TNXB: variants seen among roughly 807,000 people sequenced by gnomAD.
The protein encoded by TNXB is tenascin-X.
Under a neutral mutation model 340.5 loss-of-function variants are expected in TNXB, and 183 were observed. The observed-to-expected ratio is 0.54, with a 90% CI of 0.48 to 0.61. TNXB has a LOEUF of 0.61. Among genes scored for constraint, TNXB ranks in the 20% least tolerant of loss-of-function variants. The pLI is 0.00. For synonymous variants in TNXB, 2,121 were observed against 2,314.5 expected, an observed-to-expected ratio of 0.92 and a Z score of 2.40; for missense variants, 4,613 against 5,446.4, an observed-to-expected ratio of 0.85 and a Z score of 4.82.
Position 32,065,107 on chromosome 6 carries a change from CTCTTCGGGGGCTAG to C in TNXB, c.6545-4_6554del. On this transcript the variant is annotated splice_acceptor_variant and splice_polypyrimidine_tract_variant and coding_sequence_variant and intron_variant, in exon 19 of 44. Transcript: ENST00000644971. LOFTEE classifies it high-confidence loss of function. ...TTGCAAGAGGAGCATCAGGGGACTC[CTCTTCGGGGGCTAG>C]GAAGAGATAGAAACAGAATCTTTTC... 1 of 1,575,508 alleles carries C rather than the reference CTCTTCGGGGGCTAG, an allele frequency of 6.3e-7. No individual in the cohort carries two copies. Among genetic ancestry groups the C allele is most frequent in the Non-Finnish European group, 8.6e-7 (1 of 1,159,550 alleles).
rs540531493 is a variant in TNXB at position 32,075,891 on chromosome 6, G to T, written c.4376-1939C>A. ...GGGCTCCCAAGAACTTGTTTCTCTG[G>T]CTTCCTCCGGAGGGCAAGACAAGGC... is the stretch of plus-strand genomic sequence containing the variant. On this transcript the variant is annotated intron_variant, in intron 11 of 43. Coordinates refer to ENST00000644971, the MANE Select transcript of TNXB (RefSeq NM_001365276.2). This position sits in a 1 kb window ranked among gnomAD's most constrained non-coding sequence, Gnocchi z 4.6. Among the ~76,000 whole-genome samples, 11 of 152,324 alleles carry T rather than the reference G, an allele frequency of 7.2e-5. 1 individual carries two copies. The East Asian group carries it at 1.7e-3, about 24-fold the overall frequency.
Position 32,095,990 on chromosome 6 carries a change from G to T in TNXB, c.1863C>A (p.Cys621Ter). ...GGCCCCTCCCGTGGCAGTTGGAGGGGCAGGTGCGGATGCTGCAGTCCTCAC... is the reference window on the plus strand; with the variant it reads ...GGCCCCTCCCGTGGCAGTTGGAGGGTCAGGTGCGGATGCTGCAGTCCTCAC... ...YVSEDCSIRT[C>*]PSNCHGRGRC... The change falls in exon 3 of 44, where the codon TGC (cysteine) becomes TGA (stop). Residue 621 changes from cysteine (C) to a stop codon, truncating the protein, a stop_gained. Coordinates refer to ENST00000644971, the MANE Select transcript of TNXB (RefSeq NM_001365276.2). LOFTEE classifies it high-confidence loss of function. 6.2e-7 allele frequency: 1 copy of T among 1,612,900 alleles called. No homozygotes were observed.
intron 4 of TNXB, among the ~76,000 whole-genome samples, chr6:32,094,589 AG>A (rs1374389903): frequency 6.6e-6 from 1 of 152,212 alleles, no homozygotes; most frequent in Non-Finnish European, 1.5e-5. Flanking sequence ...TAAAGGATTC[AG>A]AGAATAAAGA....
chr6:32,089,251 G>A lies in TNXB; in HGVS notation c.2487C>T (p.Gly829=). The part of the protein sequence containing the change: ...TVRALRGTSW[G]LPASKTITTM... ...TGGTGATGGTCTTGGAGGCAGGAAG[G>A]CCCCAGCTGGTCCCTCGAAGGGCTC... is the stretch of plus-strand genomic sequence containing the variant. Residue 829 remains glycine (G), a synonymous_variant, in exon 5 of 44, where the codon GGC becomes GGT. Coordinates refer to ENST00000644971, the MANE Select transcript of TNXB (RefSeq NM_001365276.2). This position sits in a 1 kb window ranked among gnomAD's most constrained non-coding sequence, Gnocchi z 6.2. 6.2e-7 allele frequency: 1 copy of A among 1,605,516 alleles called. No individual in the cohort carries two copies. Among genetic ancestry groups the A allele is most frequent in the Non-Finnish European group, 8.5e-7 (1 of 1,176,736 alleles).
At chr6:32,100,347 C>T (rs1012284706) in intron 1 of TNXB, among the ~76,000 whole-genome samples, 9 of 152,056 alleles carry the variant, frequency 5.9e-5, no homozygotes, top group East Asian at 1.9e-4. Flanking sequence ...TCAGGCAATC[C>T]GCCCGCCTCG....
chr6:32,054,630 G>A (rs1294043979), intron 24 of TNXB, among the ~76,000 whole-genome samples: 1 of 152,196 alleles, frequency 6.6e-6, no homozygotes, highest in Admixed American at 6.5e-5. Flanking sequence ...TGACTTCACT[G>A]TCCCTTCCCA....
Position 32,049,510 on chromosome 6 carries a change from T to G in TNXB, c.9517A>C (p.Thr3173Pro). 6 of 1,612,548 alleles carry G rather than the reference T, an allele frequency of 3.7e-6. No individual in the cohort carries two copies. Among genetic ancestry groups the G allele is most frequent in the Non-Finnish European group, 5.1e-6 (6 of 1,179,834 alleles). ...GAGTCAGGGGAGGATCCTGTCACTG[T>G]CAACTCCCCCAGGAGCGGCTCCTCA... The part of the protein sequence containing the change: ...APEEPLLGEL[T>P]VTGSSPDSLS... The change falls in exon 28 of 44, where the codon ACA becomes CCA. Residue 3173 changes from threonine to proline, a missense_variant. Thr to Pro is a conservative substitution (Grantham distance 38). Around this residue, in one of 7 missense-constraint regions of TNXB, gnomAD observed 4,327 missense variants for 4,859.4 expected, o/e 0.89. Coordinates refer to ENST00000644971, the MANE Select transcript of TNXB (RefSeq NM_001365276.2). This position sits in a 1 kb window ranked among gnomAD's most constrained non-coding sequence, Gnocchi z 4.5.
In TNXB at chr6:32,096,874, C is replaced by T. The variant is rs779419589; in HGVS notation, c.979G>A (p.Val327Met). 5 of 1,608,286 alleles carry T rather than the reference C, an allele frequency of 3.1e-6. No individual in the cohort carries two copies. The highest frequency in any genetic ancestry group is 2.2e-5 in the East Asian group (1 of 44,616). ...QRGRCKDGRC[V>M]CDPGYTGEDC... ...TCGCCAGTGTAGCCGGGGTCACACA[C>T]GCAGCGCCCGTCCTTGCAGCGTCCC... Residue 327 changes from valine to methionine, a missense_variant, in exon 3 of 44, where the codon GTG (valine) becomes ATG (methionine). Val to Met is a conservative substitution (Grantham distance 21). This residue lies in a region of TNXB where 4,327 missense variants were observed against 4,859.4 expected (regional missense o/e 0.89). Coordinates refer to ENST00000644971, the MANE Select transcript of TNXB (RefSeq NM_001365276.2).
Position 32,096,299 on chromosome 6 carries a change from G to A in TNXB, c.1554C>T (p.Phe518=), listed in dbSNP as rs751260448. The change falls in exon 3 of 44, where the codon TTC becomes TTT. Residue 518 remains phenylalanine (F), a synonymous_variant. Transcript: ENST00000644971. ...VDGRCVCNPG[F]TGEDCGSRRC... is the part of the protein sequence containing the mutation. ...GACGGCTCCCACAGTCCTCACCGGT[G>A]AAGCCCGGGTTGCACACGCAGCGGC... 2.6e-6 allele frequency: 4 copies of A among 1,552,728 alleles called. No homozygotes were observed. Among genetic ancestry groups the A allele is most frequent in the Admixed American group, 1.9e-5 (1 of 52,228 alleles).
rs1365020325 is a variant in TNXB at position 32,068,834 on chromosome 6, C to T, written c.5890G>A (p.Glu1964Lys). The T allele has an allele frequency of 6.2e-6, 10 of 1,605,668 alleles. No individual in the cohort carries two copies. Among genetic ancestry groups the T allele is most frequent in the Admixed American group, 3.3e-5 (2 of 59,882 alleles). The part of the protein sequence containing the change: ...DGKHVGPVHV[E>K]ALTVPEEEKP... ...GCAGAGTTCTCACCTGTCAGGGCCTCGACATGGACAGGACCTACATGCTTC... is the reference window on the plus strand; with the variant it reads ...GCAGAGTTCTCACCTGTCAGGGCCTTGACATGGACAGGACCTACATGCTTC... The change falls in exon 16 of 44, where the codon GAG becomes AAG. Residue 1964 changes from glutamate to lysine, a missense_variant. Glu to Lys is a moderately conservative substitution (Grantham distance 56, BLOSUM62 1). Transcript: ENST00000644971. The surrounding 1 kb of genome is among the most constrained non-coding windows in gnomAD (Gnocchi z 5.3).
chr6:32,103,685 C>T (rs1282260657), intron 1 of TNXB, among the ~76,000 whole-genome samples: 3 of 151,826 alleles, frequency 2.0e-5, no homozygotes, highest in African/African-American at 7.3e-5. Flanking sequence ...TCTTGCTTGA[C>T]CTTTGACTTC....
chr6:32,057,021 C>T, intron 22 of TNXB, 118 bp from the exon 23 acceptor site: 9 of 1,295,918 alleles, frequency 6.9e-6, no homozygotes, highest in Non-Finnish European at 9.7e-6. Flanking sequence ...GCCCACAGCC[C>T]CTCCAGCACA....
rs200125936 is a variant in TNXB at position 32,070,250 on chromosome 6, C to T, written c.5155G>A (p.Val1719Met). ...KDKDGPQVVP[V>M]EGHERSVTVT... ...GTGACAGAGCGCTCATGGCCCTCCA[C>T]GGGCACCACCTGGGGCCCGTCTTTG... Residue 1719 changes from valine to methionine, a missense_variant, in exon 14 of 44, where the codon GTG becomes ATG. Physicochemically the swap from Val to Met is conservative, Grantham distance 21 (BLOSUM62 1). This residue lies in a region of TNXB where 4,327 missense variants were observed against 4,859.4 expected (regional missense o/e 0.89). Transcript: ENST00000644971. The surrounding 1 kb of genome is among the most constrained non-coding windows in gnomAD (Gnocchi z 6.0). The T allele has an allele frequency of 1.7e-4, 273 of 1,612,822 alleles. 2 individuals are homozygous for T. The highest frequency in any genetic ancestry group is 8.3e-4 in the Middle Eastern group (5 of 6,058).
Position 32,073,745 on chromosome 6 carries a change from G to T in TNXB, c.4583C>A (p.Thr1528Lys). 2 of 1,612,368 alleles carry T rather than the reference G, an allele frequency of 1.2e-6. No individual in the cohort carries two copies. The highest frequency in any genetic ancestry group is 2.2e-5 in the South Asian group (2 of 90,952). Residue 1528 changes from threonine (T) to lysine (K), a missense_variant, in exon 12 of 44, where the codon ACA becomes AAA. Transcript: ENST00000644971. This position sits in a 1 kb window ranked among gnomAD's most constrained non-coding sequence, Gnocchi z 4.6. ...VPVAADQREV[T>K]VYNLEPERKY... ...TCTCTCAGGCTCCAGGTTGTAGACT[G>T]TGACCTCTCGCTGGTCTGCCGCCAC...
At position 32,051,052 on chromosome 6, in the gene TNXB, A is replaced by T. The variant is rs1048354378; in HGVS notation, c.9116-731T>A. Among the ~76,000 whole-genome samples, 26 of 151,824 alleles carry T rather than the reference A, an allele frequency of 1.7e-4. No homozygotes were observed. The highest frequency in any genetic ancestry group is 6.1e-4 in the African/African-American group (25 of 41,262). ...ATCTATTCACTGCAAAGGACACCCC[A>T]CTCAATCCTCAGTACTTCTCACACA... On this transcript the variant is annotated intron_variant, in intron 26 of 43. Coordinates refer to ENST00000644971, the MANE Select transcript of TNXB (RefSeq NM_001365276.2). The surrounding 1 kb of genome is among the most constrained non-coding windows in gnomAD (Gnocchi z 4.7).
At position 32,081,661 on chromosome 6, in the gene TNXB, T is replaced by C. The variant is rs1456225760; in HGVS notation, c.3749A>G (p.Lys1250Arg). 1 of 1,584,414 alleles carries C rather than the reference T, an allele frequency of 6.3e-7. No individual in the cohort carries two copies. The highest frequency in any genetic ancestry group is 8.6e-7 in the Non-Finnish European group (1 of 1,165,392). ...TADGTTAPER[K>R]EEPPRPEFLE... ...GAACTCAGGGCGGGGGGGCTCCTCTTTCCTCTCTGGAGCTGTAAACAAGGA... is the reference window on the plus strand; with the variant it reads ...GAACTCAGGGCGGGGGGGCTCCTCTCTCCTCTCTGGAGCTGTAAACAAGGA... Residue 1250 changes from lysine to arginine, a missense_variant, in exon 10 of 44, where the codon AAA (lysine) becomes AGA (arginine). Physicochemically the swap from Lys to Arg is conservative, Grantham distance 26. Coordinates refer to ENST00000644971, the MANE Select transcript of TNXB (RefSeq NM_001365276.2). The surrounding 1 kb of genome is among the most constrained non-coding windows in gnomAD (Gnocchi z 5.1).
At chr6:32,054,730 A>G (rs1176913942) in intron 24 of TNXB, among the ~76,000 whole-genome samples, 2 of 152,142 alleles carry the variant, frequency 1.3e-5, no homozygotes, top group Non-Finnish European at 2.9e-5. Flanking sequence ...GAGCCCCATG[A>G]AAACATGAAC....
chr6:32,074,274 C>T lies in TNXB; in HGVS notation c.4376-322G>A, dbSNP rs1013523657. On this transcript the variant is annotated intron_variant, in intron 11 of 43. Coordinates refer to ENST00000644971, the MANE Select transcript of TNXB (RefSeq NM_001365276.2). The surrounding 1 kb of genome is among the most constrained non-coding windows in gnomAD (Gnocchi z 5.5). ...CCCTGACCTCAGGTGATCCACCTGC[C>T]TCAGCCCCCAAAGTGCTGGGATTAC... Among the ~76,000 whole-genome samples, 2 of 152,192 alleles carry T rather than the reference C, an allele frequency of 1.3e-5. No individual in the cohort carries two copies. The highest frequency in any genetic ancestry group is 2.9e-5 in the Non-Finnish European group (2 of 68,038).
rs922855168 is a variant in TNXB at position 32,072,538 on chromosome 6, T to C, written c.4682-240A>G. Among the ~76,000 whole-genome samples, 3 of 152,276 alleles carry C rather than the reference T, an allele frequency of 2.0e-5. No homozygotes were observed. The highest frequency in any genetic ancestry group is 2.0e-4 in the Admixed American group (3 of 15,284). The stretch of plus-strand genomic sequence containing the variant: ...TGTTTTCATGTCACCTTAGAGTTAT[T>C]GCAGAAACTTTAAAATACCTTTTAT... On this transcript the variant is annotated intron_variant, in intron 12 of 43. Coordinates refer to ENST00000644971, the MANE Select transcript of TNXB (RefSeq NM_001365276.2). The surrounding 1 kb of genome is among the most constrained non-coding windows in gnomAD (Gnocchi z 4.4).
Sources: gnomAD v4.1 joint callset for allele counts (sites outside exome capture counted in the v4.1 genomes callset) on GRCh38, gnomAD v4.1.1 for gene constraint, gnomAD v4.1.1 regional missense constraint, Gnocchi (gnomAD v3.1) non-coding constraint, MANE v1.5 for transcripts, NCBI Gene and HGNC (gene_info 2026-07-23, HGNC 2026-07-21) for gene names.